The following TENM4 variants were observed in gnomAD, a reference collection of about 807,000 sequenced individuals.
TENM4 encodes teneurin-4.
Under a neutral mutation model 243.3 loss-of-function variants are expected in TENM4, and 82 were observed. That is an observed-to-expected ratio of 0.34 (90% confidence interval 0.28 to 0.40). The LOEUF (loss-of-function observed/expected upper bound fraction) is 0.40, where lower values mean the gene tolerates loss of function less well. TENM4 is among the 10% of genes least tolerant of loss of function. TENM4 has a pLI of 1.00. For synonymous variants in TENM4, 1,412 were observed against 1,456.3 expected, an observed-to-expected ratio of 0.97 and a Z score of 0.69; for missense variants, 3,138 against 3,673.3, an observed-to-expected ratio of 0.85 and a Z score of 3.77.
intron 4 of TENM4, among the ~76,000 whole-genome samples, chr11:79,098,937 A>T (rs895098185): frequency 2.6e-5 from 4 of 152,234 alleles, no homozygotes; most frequent in Admixed American, 2.6e-4. Context: ...TAAAGTAGGG[A>T]TAGAAAGGTC....
intron 1 of TENM4, among the ~76,000 whole-genome samples, chr11:79,371,391 T>C (rs562578280): frequency 2.0e-5 from 3 of 152,290 alleles, no homozygotes; most frequent in African/African-American, 7.2e-5. Flanking sequence ...CTGGGAATGT[T>C]GTGGGCTTGG....
At chr11:78,805,249 A>T (rs1404857887) in intron 15 of TENM4, 43 bp downstream of exon 15, 1 of 33,404 alleles carries the variant, frequency 3.0e-5, no homozygotes, top group South Asian at 3.6e-4. Context: ...TCACAGTGGA[A>T]ATCCCCTCCC....
At chr11:79,123,310 A>G (rs1861782832) in intron 4 of TENM4, among the ~76,000 whole-genome samples, 1 of 152,188 alleles carries the variant, frequency 6.6e-6, no homozygotes, top group Non-Finnish European at 1.5e-5. Context: ...ACAGCTGAAA[A>G]TACTGAGATA....
At chr11:79,407,939 T>G (rs2135566951) in intron 1 of TENM4, among the ~76,000 whole-genome samples, 2 of 151,986 alleles carry the variant, frequency 1.3e-5, no homozygotes, top group South Asian at 4.2e-4. Context: ...AGTCTTGCTC[T>G]GTCTCACAGG....
chr11:78,703,621 C>A (rs1175738761), intron 27 of TENM4, among the ~76,000 whole-genome samples: 3 of 152,014 alleles, frequency 2.0e-5, no homozygotes, highest in Non-Finnish European at 4.4e-5. Context: ...TTGGATCTAT[C>A]ACACTAGGAG....
intron 6 of TENM4, among the ~76,000 whole-genome samples, chr11:79,032,576 G>A (rs905285435): frequency 1.3e-5 from 2 of 152,170 alleles, no homozygotes; most frequent in African/African-American, 4.8e-5. Flanking sequence ...CCTTTCAAAT[G>A]TCCAGGTAAT....
At chr11:79,045,627 C>A (rs1210786534) in intron 6 of TENM4, among the ~76,000 whole-genome samples, 1 of 152,042 alleles carries the variant, frequency 6.6e-6, no homozygotes, top group African/African-American at 2.4e-5. Flanking sequence ...TGGAGGCAGG[C>A]AGCCACGGAC....
chr11:79,170,561 T>C (rs1048880641), intron 3 of TENM4, among the ~76,000 whole-genome samples: 19 of 152,136 alleles, frequency 1.2e-4, no homozygotes, highest in African/African-American at 4.6e-4. Flanking sequence ...GCAGTGGAAA[T>C]AGTGACACAG....
chr11:79,313,671 C>T (rs479540), intron 1 of TENM4, among the ~76,000 whole-genome samples: 76,986 of 151,922 alleles, frequency 0.51, 19,802 homozygotes, highest in South Asian at 0.61. Context: ...AGGCCATTGT[C>T]CTCCATGAAT....
At chr11:78,840,664 G>A (rs1387035375) in intron 12 of TENM4, among the ~76,000 whole-genome samples, 4 of 152,122 alleles carry the variant, frequency 2.6e-5, no homozygotes, top group Non-Finnish European at 5.9e-5. Flanking sequence ...ATACTCTTCC[G>A]CCCAGAGAAG....
At chr11:79,350,351 T>C (rs899009164) in intron 1 of TENM4, among the ~76,000 whole-genome samples, 15 of 152,024 alleles carry the variant, frequency 9.9e-5, no homozygotes, top group Non-Finnish European at 2.1e-4. Flanking sequence ...CAACCTCTAC[T>C]GCTAACACCT....
intron 25 of TENM4, among the ~76,000 whole-genome samples, chr11:78,717,235 T>C (rs1039695017): frequency 6.6e-6 from 1 of 152,232 alleles, no homozygotes. Flanking sequence ...GCCCTCATTC[T>C]GGATGGTGTT....
Position 79,215,798 on chromosome 11 carries a change from G to T in TENM4, c.-163+10C>A. 1.0e-6 allele frequency: 1 copy of T among 985,894 alleles called. No individual in the cohort carries two copies. The highest frequency in any genetic ancestry group is 1.2e-6 in the Non-Finnish European group (1 of 829,960). The allele number at this position is 985,894 out of a possible 1,614,324, so 61.1% of individuals were successfully genotyped here. A position where few individuals can be genotyped will look rare whatever the true frequency, so the allele number is the denominator to read the frequency against. On this transcript the variant is annotated intron_variant, in intron 3 of 33. Coordinates refer to ENST00000278550, the MANE Select transcript of TENM4 (RefSeq NM_001098816.3). ...AATGACAGAAAATCAGAGCAGACAA[G>T]GGGACTGACCTGGCTCCATGTCAGC...
chr11:79,085,388 A>AAAAG (rs35826021), intron 4 of TENM4, among the ~76,000 whole-genome samples: 1 of 132,226 alleles, frequency 7.6e-6, no homozygotes, highest in Non-Finnish European at 1.6e-5. Flanking sequence ...AAAAAAAAAA[A>AAAAG]GGGGGGTTTT....
intron 6 of TENM4, among the ~76,000 whole-genome samples, chr11:79,005,554 C>T (rs891115209): frequency 6.6e-6 from 1 of 152,102 alleles, no homozygotes; most frequent in Middle Eastern, 3.2e-3. Flanking sequence ...TTCAACATTG[C>T]TTCATGTTAA....
rs1855506044 is a variant in TENM4, at chr11:78,726,140, A to C, written c.3489T>G (p.Ile1163Met). 1 of 1,614,046 alleles carries C rather than the reference A, an allele frequency of 6.2e-7. No individual in the cohort carries two copies. The highest frequency in any genetic ancestry group is 8.5e-7 in the Non-Finnish European group (1 of 1,179,898). Residue 1163 changes from isoleucine to methionine, a missense_variant, in exon 23 of 34, where the codon ATT becomes ATG. Physicochemically the swap from Ile to Met is conservative, Grantham distance 10 (BLOSUM62 1). Transcript: ENST00000278550. The stretch of plus-strand genomic sequence containing the variant: ...TCCATCCTCCAAGCTTGGACGCGTC[A>C]ATTTCATAGCCCTGCAGCACTGTTG... ...KRTTVLQGYEIDASKLGGWSL... is the reference protein window; with the variant it reads ...KRTTVLQGYEMDASKLGGWSL...
intron 1 of TENM4, among the ~76,000 whole-genome samples, chr11:79,340,639 A>G (rs1227729022): frequency 6.6e-6 from 1 of 152,046 alleles, no homozygotes; most frequent in Non-Finnish European, 1.5e-5. Context: ...TCCCATTGCC[A>G]TGAACTCCTT....
intron 6 of TENM4, among the ~76,000 whole-genome samples, chr11:79,006,465 T>C (rs1472182924): frequency 6.6e-6 from 1 of 152,210 alleles, no homozygotes; most frequent in African/African-American, 2.4e-5. Context: ...TTTACTGAGT[T>C]CAGAACCTTG....
At chr11:78,746,333 G>A (rs1856050902) in intron 19 of TENM4, among the ~76,000 whole-genome samples, 1 of 152,210 alleles carries the variant, frequency 6.6e-6, no homozygotes, top group East Asian at 1.9e-4. Flanking sequence ...GTGTCTTCAG[G>A]GACCTGAGGC....
Sources: gnomAD v4.1 joint callset for allele counts (sites outside exome capture counted in the v4.1 genomes callset) on GRCh38, gnomAD v4.1.1 for gene constraint, MANE v1.5 for transcripts, NCBI Gene and HGNC (gene_info 2026-07-23, HGNC 2026-07-21) for gene names.